Variants in ADGRL3 observed in about 807,000 individuals in gnomAD.
ADGRL3 encodes adhesion G protein-coupled receptor L3.
A neutral mutation model predicts 153.5 loss-of-function variants in ADGRL3; 62 were observed. The ratio of observed to expected loss-of-function variants is 0.40; its 90% CI spans 0.33 to 0.50. The LOEUF (loss-of-function observed/expected upper bound fraction) is 0.50. Ranked by LOEUF, ADGRL3 falls within the 20% of genes least tolerant of loss-of-function variation. The probability of loss-of-function intolerance (pLI) is 0.47; values close to 1 mark genes in which losing one functional copy is unlikely to be tolerated. For synonymous variants in ADGRL3, 710 were observed against 672.5 expected, an observed-to-expected ratio of 1.06 and a Z score of -0.86; for missense variants, 1,641 against 1,859.4, an observed-to-expected ratio of 0.88 and a Z score of 2.16.
chr4:61,904,158 G>T (rs2098682446), intron 11 of ADGRL3, among the ~76,000 whole-genome samples: 1 of 136,318 alleles, frequency 7.3e-6, no homozygotes, highest in Non-Finnish European at 1.5e-5. Flanking sequence ...TCTTTTGAAG[G>T]ATTAAGTTTA....
chr4:62,052,196 T>A (rs1287241375), intron 25 of ADGRL3, among the ~76,000 whole-genome samples: 1 of 151,674 alleles, frequency 6.6e-6, no homozygotes, highest in African/African-American at 2.4e-5. Context: ...CACAAAGCCC[T>A]ATACAGGATA....
At chr4:61,926,315 C>T (rs1195596745) in intron 13 of ADGRL3, among the ~76,000 whole-genome samples, 3 of 152,098 alleles carry the variant, frequency 2.0e-5, no homozygotes, top group Non-Finnish European at 2.9e-5. Flanking sequence ...TCATACTGTC[C>T]ACCCACACAT....
intron 5 of ADGRL3, among the ~76,000 whole-genome samples, chr4:61,662,546 G>GT (rs1307182005): frequency 6.6e-6 from 1 of 152,168 alleles, no homozygotes; most frequent in Non-Finnish European, 1.5e-5. Context: ...GCCAAAGGTG[G>GT]GGGCTGAGGG....
chr4:61,412,308 G>T (rs889038566), intron 2 of ADGRL3, among the ~76,000 whole-genome samples: 1 of 151,936 alleles, frequency 6.6e-6, no homozygotes, highest in Non-Finnish European at 1.5e-5. Flanking sequence ...GTCTGGTCTC[G>T]AACTCCTGAG....
rs369720720 is a variant in ADGRL3, at chr4:61,996,314, A to G, written c.3260A>G (p.Tyr1087Cys). 6.2e-7 allele frequency: 1 copy of G among 1,613,004 alleles called. No individual in the cohort carries two copies. Among genetic ancestry groups the G allele is most frequent in the South Asian group, 1.1e-5 (1 of 91,028 alleles). The change falls in exon 20 of 27, where the codon TAC becomes TGC. Residue 1087 changes from tyrosine to cysteine, a missense_variant. Transcript: ENST00000683033. ...DKVCWLRLDT[Y>C]FIWSFIGPAT... ...AGATGTTGGCTCCGACTTGACACCT[A>G]CTTCATTTGGAGTTTTATAGGACCA...
chr4:61,717,219 TGC>T (rs71213006), intron 6 of ADGRL3, among the ~76,000 whole-genome samples: 2,339 of 41,686 alleles, frequency 0.056, 53 homozygotes, highest in African/African-American at 0.22. Flanking sequence ...TGTGTGTGTG[TGC>T]GTGTGTGTGT....
chr4:61,684,572 T>C (rs908676850), intron 6 of ADGRL3, among the ~76,000 whole-genome samples: 3 of 152,058 alleles, frequency 2.0e-5, no homozygotes, highest in African/African-American at 4.8e-5. Flanking sequence ...GTAAAGACTT[T>C]AGAGCAAAGA....
rs35300313 is a variant in ADGRL3 at position 61,666,543 on chromosome 4, G to GAAA, written c.474-10273_474-10271dup. 2.5e-3 allele frequency among the ~76,000 whole-genome samples: 361 copies of GAAA among 143,036 alleles called. 1 individual carries two copies. The highest frequency in any genetic ancestry group is 6.9e-3 in the African/African-American group (269 of 38,914). 93.8% of individuals were successfully genotyped at this position (143,036 alleles called of 152,430 possible). Reference sequence around the variant, plus strand: ...ATAATGAATTAAATCTGTCCCAGATGAAAAAAAAAAAAGGAAAAAAGAGTA... The same window carrying GAAA: ...ATAATGAATTAAATCTGTCCCAGATGAAAAAAAAAAAAAAAGGAAAAAAGAGTA... On this transcript the variant is annotated intron_variant, in intron 5 of 26. Transcript: ENST00000683033.
intron 25 of ADGRL3, among the ~76,000 whole-genome samples, chr4:62,060,308 A>G (rs1445394929): frequency 6.6e-6 from 1 of 151,962 alleles, no homozygotes; most frequent in African/African-American, 2.4e-5. Flanking sequence ...CAATCTCCTT[A>G]CCTTATTATT....
In ADGRL3 at chr4:61,994,544, T is replaced by G. The variant is rs912137481; in HGVS notation, c.3237-1747T>G. ...AAAAATCTAGCTCTTAAAATGAGTT[T>G]AAACGTTATAGCAAAGTAAAGGAAG... On this transcript the variant is annotated intron_variant, in intron 19 of 26. Coordinates refer to ENST00000683033, the MANE Select transcript of ADGRL3 (RefSeq NM_001387552.1). 1.3e-4 allele frequency among the ~76,000 whole-genome samples: 20 copies of G among 152,194 alleles called. No individual in the cohort carries two copies. The East Asian group carries it at 3.7e-3, about 28-fold the overall frequency.
At chr4:61,967,879 T>G (rs573740094) in intron 17 of ADGRL3, among the ~76,000 whole-genome samples, 2 of 152,290 alleles carry the variant, frequency 1.3e-5, no homozygotes, top group East Asian at 3.9e-4. Context: ...AAACAGAGAT[T>G]TATTTCTTAC....
At chr4:61,880,857 C>T (rs138484522) in intron 9 of ADGRL3, among the ~76,000 whole-genome samples, 50 of 152,078 alleles carry the variant, frequency 3.3e-4, no homozygotes, top group African/African-American at 1.2e-3. Context: ...AATGGCCTCA[C>T]CAGTCTTAGA....
At chr4:61,570,879 T>C (rs1475886353) in intron 4 of ADGRL3, among the ~76,000 whole-genome samples, 1 of 152,190 alleles carries the variant, frequency 6.6e-6, no homozygotes, top group Non-Finnish European at 1.5e-5. Flanking sequence ...ATTCTCATCA[T>C]TTCTGAATAA....
intron 1 of ADGRL3, among the ~76,000 whole-genome samples, chr4:61,315,845 G>T (rs193201855): frequency 6.6e-6 from 1 of 152,260 alleles, no homozygotes; most frequent in Non-Finnish European, 1.5e-5. Context: ...AAATGAACTT[G>T]TAGACTAAGT....
At chr4:61,400,727 C>T (rs958000674) in intron 2 of ADGRL3, among the ~76,000 whole-genome samples, 8 of 150,618 alleles carry the variant, frequency 5.3e-5, no homozygotes, top group Non-Finnish European at 1.2e-4. Flanking sequence ...ACACTGAGTC[C>T]TGTGTGAAGG....
In ADGRL3 at chr4:61,979,778, CA is replaced by C. The variant is rs2099061027; in HGVS notation, c.3015+8del. 1 of 1,610,806 alleles carries C rather than the reference CA, an allele frequency of 6.2e-7. No individual in the cohort carries two copies. Among genetic ancestry groups the C allele is most frequent in the African/African-American group, 1.3e-5 (1 of 74,848 alleles). ...TCAACCGAACTGACCAACCAGTAAGCAACCTACATTGATACCAGTGAAGAAT... is the reference window on the plus strand; with the variant it reads ...TCAACCGAACTGACCAACCAGTAAGCACCTACATTGATACCAGTGAAGAAT... On this transcript the variant is annotated splice_region_variant and intron_variant, in intron 18 of 26. Transcript: ENST00000683033.
chr4:61,827,115 G>A (rs1402923809), intron 9 of ADGRL3, among the ~76,000 whole-genome samples: 1 of 152,144 alleles, frequency 6.6e-6, no homozygotes, highest in Admixed American at 6.5e-5. Context: ...TCTAAGAGCA[G>A]CATCTCAAGG....
rs558788569 is a variant in ADGRL3, at chr4:61,469,529, G to T, written c.-173-27592G>T. On this transcript the variant is annotated intron_variant, in intron 2 of 26. Transcript: ENST00000683033. Reference sequence around the variant, plus strand: ...GTGTGTTTTTGTGTGTATGATTCAAGTCTGTGTTTCCAGTAGGGGCCTGTG... The same window carrying T: ...GTGTGTTTTTGTGTGTATGATTCAATTCTGTGTTTCCAGTAGGGGCCTGTG... 3.4e-4 allele frequency among the ~76,000 whole-genome samples: 51 copies of T among 152,078 alleles called. 1 individual carries two copies. The South Asian group carries it at 9.8e-3, about 29-fold the overall frequency.
chr4:61,267,806 G>A (rs1346127395), intron 1 of ADGRL3, among the ~76,000 whole-genome samples: 1 of 144,554 alleles, frequency 6.9e-6, no homozygotes, highest in Non-Finnish European at 1.5e-5. Flanking sequence ...ATTGGAGTTA[G>A]GGTATGGAGA....
Sources: allele counts gnomAD v4.1 joint callset (sites outside exome capture counted in the v4.1 genomes callset), GRCh38; gene constraint gnomAD v4.1.1; transcripts MANE v1.5; gene names NCBI Gene and HGNC (gene_info 2026-07-23, HGNC 2026-07-21).